PRKCA: variants seen among roughly 807,000 people sequenced by gnomAD.
PRKCA encodes the protein protein kinase C alpha type.
In PRKCA, 27 loss-of-function variants were observed where a neutral mutation model predicts 87.0. The observed-to-expected ratio is 0.31, with a 90% confidence interval of 0.23 to 0.43. PRKCA has a LOEUF of 0.43. PRKCA is among the 20% of genes least tolerant of loss of function. The pLI is 1.00. For missense variants in PRKCA, 518 were observed against 852.3 expected, an observed-to-expected ratio of 0.61 and a Z score of 4.88; for synonymous variants, 329 against 311.1, an observed-to-expected ratio of 1.06 and a Z score of -0.61.
At chr17:66,553,182 G>T (rs185844595) in intron 3 of PRKCA, among the ~76,000 whole-genome samples, 1 of 151,922 alleles carries the variant, frequency 6.6e-6, no homozygotes, top group East Asian at 1.9e-4. Context: ...GGGTTTTGCC[G>T]TGTTGCCCAG....
chr17:66,465,429 T>C (rs957986791), intron 2 of PRKCA, among the ~76,000 whole-genome samples: 2 of 152,192 alleles, frequency 1.3e-5, no homozygotes, highest in African/African-American at 2.4e-5. Flanking sequence ...TCTTACTCTC[T>C]TGCCCAGACT....
chr17:66,692,029 G>A (rs1972797551), intron 8 of PRKCA, among the ~76,000 whole-genome samples: 2 of 152,212 alleles, frequency 1.3e-5, no homozygotes, highest in South Asian at 4.1e-4. Context: ...TCTCTTGGGA[G>A]GCTGGTCAGA....
At chr17:66,546,780 C>T (rs7221932) in intron 3 of PRKCA, among the ~76,000 whole-genome samples, 12,996 of 152,222 alleles carry the variant, frequency 0.085, 593 homozygotes, top group South Asian at 0.17. Flanking sequence ...ATACGACCCG[C>T]AGCATTAGTT....
intron 3 of PRKCA, among the ~76,000 whole-genome samples, chr17:66,609,851 A>G (rs1970302390): frequency 6.6e-6 from 1 of 152,210 alleles, no homozygotes; most frequent in African/African-American, 2.4e-5. Flanking sequence ...CAAACTAACA[A>G]GTGTTTTTTC....
intron 3 of PRKCA, among the ~76,000 whole-genome samples, chr17:66,499,488 T>G (rs1916633670): frequency 6.6e-6 from 1 of 152,226 alleles, no homozygotes; most frequent in Non-Finnish European, 1.5e-5. Flanking sequence ...AAAGTCTTTG[T>G]TTATGCCCAC....
intron 2 of PRKCA, among the ~76,000 whole-genome samples, chr17:66,404,378 G>A (rs1911224507): frequency 6.6e-6 from 1 of 152,152 alleles, no homozygotes; most frequent in Non-Finnish European, 1.5e-5. Context: ...TCCTTCATGG[G>A]GGCGGCGGAG....
intron 2 of PRKCA, among the ~76,000 whole-genome samples, chr17:66,328,537 C>A (rs1214813944): frequency 6.6e-6 from 1 of 152,202 alleles, no homozygotes; most frequent in South Asian, 2.1e-4. Context: ...GTGGCTCATG[C>A]CTGTAATCCC....
At chr17:66,794,436 G>C (rs1358049641) in intron 16 of PRKCA, among the ~76,000 whole-genome samples, 1 of 150,788 alleles carries the variant, frequency 6.6e-6, no homozygotes, top group East Asian at 1.9e-4. Flanking sequence ...TTTAATTATC[G>C]AAGCTGGTGC....
intron 2 of PRKCA, among the ~76,000 whole-genome samples, chr17:66,342,483 T>A (rs994413991): frequency 2.2e-5 from 3 of 134,532 alleles, no homozygotes; most frequent in Admixed American, 7.4e-5. Flanking sequence ...ATAATAATAA[T>A]AAATTCAGAG....
At chr17:66,412,316 T>G (rs1209224537) in intron 2 of PRKCA, among the ~76,000 whole-genome samples, 1 of 152,174 alleles carries the variant, frequency 6.6e-6, no homozygotes, top group Non-Finnish European at 1.5e-5. Flanking sequence ...CTTGGCCTTC[T>G]GAAGTGCTGG....
chr17:66,416,639 T>G (rs1246756630), intron 2 of PRKCA: 1 of 152,192 alleles, frequency 6.6e-6, no homozygotes, highest in Non-Finnish European at 1.5e-5. Flanking sequence ...GGTGCTGTTG[T>G]TATCCCTAGT....
intron 2 of PRKCA, among the ~76,000 whole-genome samples, chr17:66,411,820 C>T (rs1015240978): frequency 3.4e-5 from 5 of 146,528 alleles, no homozygotes; most frequent in African/African-American, 7.6e-5. Flanking sequence ...TCATTAAACC[C>T]TGACTGTGCT....
chr17:66,305,168 G>A (rs978067913), intron 1 of PRKCA, among the ~76,000 whole-genome samples: 16 of 152,228 alleles, frequency 1.1e-4, no homozygotes, highest in Admixed American at 2.6e-4. Flanking sequence ...GTCTTTTTCA[G>A]TTTGCTTTCA....
intron 2 of PRKCA, among the ~76,000 whole-genome samples, chr17:66,361,747 A>G (rs1056901931): frequency 6.6e-6 from 1 of 152,242 alleles, no homozygotes; most frequent in Non-Finnish European, 1.5e-5. Flanking sequence ...CTTTCCATTA[A>G]GAAATCAAGT....
Position 66,645,419 on chromosome 17 carries a change from A to G in PRKCA, c.437A>G (p.Asn146Ser), listed in dbSNP as rs750003387. 2.5e-6 allele frequency: 4 copies of G among 1,614,090 alleles called. No individual in the cohort carries two copies. Among genetic ancestry groups the G allele is most frequent in the East Asian group, 4.5e-5 (2 of 44,892 alleles). ...AACGTTCACAAGCAATGCGTCATCA[A>G]TGTCCCCAGCCTCTGCGGAATGGAT... is the stretch of plus-strand genomic sequence containing the variant. ...DMNVHKQCVI[N>S]VPSLCGMDHT... The change falls in exon 5 of 17, where the codon AAT (asparagine) becomes AGT (serine). Residue 146 changes from asparagine to serine, a missense_variant. By Grantham distance (46) the Asn-to-Ser change is conservative. This residue lies in a region of PRKCA where 300 missense variants were observed against 496.8 expected (regional missense o/e 0.60). Coordinates refer to ENST00000413366, the MANE Select transcript of PRKCA (RefSeq NM_002737.3).
At chr17:66,606,541 A>G (rs1277043727) in intron 3 of PRKCA, among the ~76,000 whole-genome samples, 1 of 152,236 alleles carries the variant, frequency 6.6e-6, no homozygotes, top group Non-Finnish European at 1.5e-5. Context: ...GAGGGAATAT[A>G]ATTACCACAC....
At chr17:66,360,856 G>C (rs1370127687) in intron 2 of PRKCA, among the ~76,000 whole-genome samples, 1 of 152,176 alleles carries the variant, frequency 6.6e-6, no homozygotes, top group Admixed American at 6.5e-5. Flanking sequence ...AGGAAGTCTC[G>C]AAGTGAAGAG....
chr17:66,316,892 C>T (rs1444318746), intron 2 of PRKCA, among the ~76,000 whole-genome samples: 1 of 152,106 alleles, frequency 6.6e-6, no homozygotes, highest in East Asian at 1.9e-4. Flanking sequence ...CCTGTAATCC[C>T]AGCACTTTGG....
chr17:66,683,761 G>A (rs534215665), intron 5 of PRKCA, among the ~76,000 whole-genome samples: 185 of 152,074 alleles, frequency 1.2e-3, no homozygotes, highest in African/African-American at 4.0e-3. Context: ...CAGCACGCCC[G>A]GCTTCTTTTT....
Sources: allele counts gnomAD v4.1 joint callset (sites outside exome capture counted in the v4.1 genomes callset), GRCh38; gene constraint gnomAD v4.1.1; regional missense constraint gnomAD v4.1.1; transcripts MANE v1.5; gene names NCBI Gene and HGNC (gene_info 2026-07-23, HGNC 2026-07-21).